Variants in TRPM6 observed in about 807,000 individuals in gnomAD.
TRPM6 encodes transient receptor potential cation channel subfamily M member 6, also known as channel kinase 2.
A neutral mutation model predicts 247.6 loss-of-function variants in TRPM6; 111 were observed. The observed-to-expected ratio is 0.45, with a 90% CI of 0.38 to 0.52. The LOEUF (loss-of-function observed/expected upper bound fraction) is 0.52, where lower values mean the gene tolerates loss of function less well. Ranked by LOEUF, TRPM6 falls within the 20% of genes least tolerant of loss-of-function variation. The probability of loss-of-function intolerance (pLI) is 0.00; values close to 1 mark genes in which losing one functional copy is unlikely to be tolerated. For synonymous variants in TRPM6, 892 were observed against 853.8 expected (o/e 1.04, Z -0.78); for missense variants, 2,126 against 2,421.5 (o/e 0.88, Z 2.56).
intron 1 of TRPM6, among the ~76,000 whole-genome samples, chr9:74,872,327 G>A (rs1463283919): frequency 1.3e-5 from 2 of 151,830 alleles, no homozygotes; most frequent in Admixed American, 6.6e-5. Flanking sequence ...CACTGAGATG[G>A]GATCTTGCTT....
intron 25 of TRPM6, among the ~76,000 whole-genome samples, chr9:74,763,791 T>G (rs1352079410): frequency 6.6e-6 from 1 of 152,226 alleles, no homozygotes; most frequent in East Asian, 1.9e-4. Context: ...AGTCATTGAT[T>G]CATGTAAAAG....
chr9:74,800,847 T>C (rs944988278), intron 16 of TRPM6, among the ~76,000 whole-genome samples: 4 of 150,800 alleles, frequency 2.7e-5, no homozygotes, highest in African/African-American at 9.8e-5. Context: ...GACTTATACA[T>C]AGGCTTATAC....
chr9:74,735,122 G>A (rs985174205), intron 36 of TRPM6, among the ~76,000 whole-genome samples: 1 of 152,016 alleles, frequency 6.6e-6, no homozygotes, highest in South Asian at 2.1e-4. Context: ...TCGGGAAGCT[G>A]AGGTAGGAGG....
chr9:74,839,594 T>C (rs1449971698), intron 5 of TRPM6, among the ~76,000 whole-genome samples: 1 of 152,114 alleles, frequency 6.6e-6, no homozygotes, highest in Non-Finnish European at 1.5e-5. Flanking sequence ...CCTTCTAGCC[T>C]TGCTGTAGTT....
intron 1 of TRPM6, among the ~76,000 whole-genome samples, chr9:74,861,923 C>T (rs1460985216): frequency 6.6e-6 from 1 of 151,920 alleles, no homozygotes; most frequent in African/African-American, 2.4e-5. Context: ...TTTCTATTGC[C>T]CCAGGGCCTA....
intron 36 of TRPM6, among the ~76,000 whole-genome samples, chr9:74,734,929 T>C (rs1759831): frequency 0.41 from 62,677 of 151,984 alleles, 13,339 homozygotes; most frequent in Middle Eastern, 0.61. Flanking sequence ...AAATAGAGAA[T>C]AGGCCAGGCA....
chr9:74,749,783 C>A (rs1402487323), intron 30 of TRPM6, among the ~76,000 whole-genome samples: 2 of 152,178 alleles, frequency 1.3e-5, no homozygotes, highest in Non-Finnish European at 2.9e-5. Flanking sequence ...AACTACTGAA[C>A]CTTTGGGAGA....
intron 25 of TRPM6, among the ~76,000 whole-genome samples, chr9:74,769,797 G>GGGAGGGAGGGAGGA (rs1826966373): frequency 6.1e-5 from 3 of 48,882 alleles, no homozygotes; most frequent in African/African-American, 4.2e-4. Context: ...GGAAGGAAGG[G>GGGAGGGAGGGAGGA]AGGGAGGGAG....
chr9:74,750,204 A>G (rs1222025193), intron 30 of TRPM6, among the ~76,000 whole-genome samples: 3 of 152,162 alleles, frequency 2.0e-5, no homozygotes. Flanking sequence ...CTACTGAGAA[A>G]CCAAAAACAA....
At chr9:74,791,771 T>C (rs1827907224) in intron 19 of TRPM6, among the ~76,000 whole-genome samples, 1 of 152,220 alleles carries the variant, frequency 6.6e-6, no homozygotes, top group African/African-American at 2.4e-5. Context: ...TTTTCTTTTT[T>C]TTGAGATGGG....
At chr9:74,724,795 C>T (rs201323829) in intron 38 of TRPM6, 49 bp from the exon 39 acceptor site, 182 of 1,612,256 alleles carry the variant, frequency 1.1e-4, no homozygotes, top group Non-Finnish European at 1.5e-4. Flanking sequence ...CAAGAACCTA[C>T]TGTTCATGAA....
intron 6 of TRPM6, among the ~76,000 whole-genome samples, chr9:74,830,522 A>T (rs1829506738): frequency 6.6e-6 from 1 of 151,934 alleles, no homozygotes; most frequent in Admixed American, 6.6e-5. Flanking sequence ...CAGCCTCCTG[A>T]GTAGCTAAGA....
intron 1 of TRPM6, chr9:74,887,495 C>T (rs1447779691): frequency 8.2e-6 from 9 of 1,097,376 alleles, no homozygotes; most frequent in African/African-American, 1.6e-5. Flanking sequence ...GCCTCCTCTC[C>T]CGGGGTGTTT....
chr9:74,836,147 G>A (rs1288940025), intron 5 of TRPM6, among the ~76,000 whole-genome samples: 1 of 152,014 alleles, frequency 6.6e-6, no homozygotes, highest in Non-Finnish European at 1.5e-5. Context: ...TCAGCTCCTG[G>A]CAACTGCTGA....
intron 3 of TRPM6, among the ~76,000 whole-genome samples, chr9:74,849,491 G>A (rs975164891): frequency 1.3e-5 from 2 of 151,978 alleles, no homozygotes; most frequent in African/African-American, 4.8e-5. Context: ...GACACAATAA[G>A]AAGGTGGCCA....
At chr9:74,774,202 T>G (rs1002174599) in intron 24 of TRPM6, among the ~76,000 whole-genome samples, 3 of 152,170 alleles carry the variant, frequency 2.0e-5, no homozygotes, top group Admixed American at 2.0e-4. Context: ...TTACTTGAGT[T>G]TTATATGAAT....
chr9:74,771,564 T>TATCTTTG, intron 25 of TRPM6, 139 bp downstream of exon 25: 1 of 777,092 alleles, frequency 1.3e-6, no homozygotes, highest in East Asian at 2.7e-5. Flanking sequence ...ATTACATGAA[T>TATCTTTG]ATTATATGTT....
chr9:74,755,758 G>T (rs990099541), intron 27 of TRPM6, among the ~76,000 whole-genome samples: 1 of 152,148 alleles, frequency 6.6e-6, no homozygotes, highest in African/African-American at 2.4e-5. Flanking sequence ...TTAAGCCACA[G>T]GTCACTGGGT....
chr9:74,853,238 G>A (rs1217001109), intron 3 of TRPM6, among the ~76,000 whole-genome samples: 2 of 150,690 alleles, frequency 1.3e-5, no homozygotes, highest in Non-Finnish European at 3.0e-5. Context: ...GGGGAAGTGA[G>A]GAGCCCCTCC....
Sources: gnomAD v4.1 joint callset for allele counts (sites outside exome capture counted in the v4.1 genomes callset) on GRCh38, gnomAD v4.1.1 for gene constraint, MANE v1.5 for transcripts, NCBI Gene and HGNC (gene_info 2026-07-23, HGNC 2026-07-21) for gene names.